The following ATXN1 variants were observed in gnomAD, a reference collection of about 807,000 sequenced individuals.
ATXN1 encodes the protein ataxin 1.
In ATXN1, 8 loss-of-function variants were observed where a neutral mutation model predicts 56.4. The observed-to-expected ratio is 0.14, with a 90% CI of 0.08 to 0.26. The LOEUF (loss-of-function observed/expected upper bound fraction) is 0.26, where lower values mean the gene tolerates loss of function less well. Ranked by LOEUF, ATXN1 falls within the 10% of genes least tolerant of loss-of-function variation. The pLI is 1.00. For synonymous variants in ATXN1, 514 were observed against 494.6 expected, an observed-to-expected ratio of 1.04 and a Z score of -0.52; for missense variants, 987 against 1,106.5, an observed-to-expected ratio of 0.89 and a Z score of 1.53.
intron 6 of ATXN1, among the ~76,000 whole-genome samples, chr6:16,355,178 G>A (rs2113466182): frequency 6.6e-6 from 1 of 152,304 alleles, no homozygotes; most frequent in Admixed American, 6.5e-5. Context: ...CCCTTGGACT[G>A]GCCTGGGCTT....
In ATXN1 at chr6:16,394,428, T is replaced by C. The variant is rs566066282; in HGVS notation, c.-160-65958A>G. Among the ~76,000 whole-genome samples, 194 of 152,352 alleles carry C rather than the reference T, an allele frequency of 1.3e-3. 1 individual carries two copies. The highest frequency in any genetic ancestry group is 4.3e-3 in the African/African-American group (179 of 41,584). ...TAATTTCATTTTATTCCATTGTTAA[T>C]TGACATCTGATAATTTCTTATATTT... On this transcript the variant is annotated intron_variant, in intron 6 of 7. Coordinates refer to ENST00000436367, the MANE Select transcript of ATXN1 (RefSeq NM_001128164.2).
intron 2 of ATXN1, among the ~76,000 whole-genome samples, chr6:16,703,248 G>GC (rs1759327117): frequency 6.6e-6 from 1 of 151,928 alleles, no homozygotes; most frequent in African/African-American, 2.4e-5. Context: ...ACCAAACACC[G>GC]CATGTTCTCA....
intron 3 of ATXN1, among the ~76,000 whole-genome samples, chr6:16,647,197 G>A (rs1218007792): frequency 1.3e-5 from 2 of 152,076 alleles, no homozygotes; most frequent in Non-Finnish European, 2.9e-5. Context: ...TAGAGATGGG[G>A]TTTCACCATA....
At chr6:16,418,938 A>G (rs934691443) in intron 6 of ATXN1, among the ~76,000 whole-genome samples, 4 of 152,012 alleles carry the variant, frequency 2.6e-5, no homozygotes, top group Admixed American at 2.6e-4. Flanking sequence ...TCCTATTTTC[A>G]GGCCTCGATA....
chr6:16,445,307 A>G (rs1025891362), intron 6 of ATXN1, among the ~76,000 whole-genome samples: 6 of 152,090 alleles, frequency 3.9e-5, no homozygotes, highest in African/African-American at 1.2e-4. Context: ...AAATAGTAAA[A>G]TATTTTATAG....
chr6:16,567,818 G>A (rs1581849930), intron 4 of ATXN1, among the ~76,000 whole-genome samples: 1 of 152,196 alleles, frequency 6.6e-6, no homozygotes. Context: ...CTGCAAATTG[G>A]TTCCACAGAG....
intron 6 of ATXN1, among the ~76,000 whole-genome samples, chr6:16,450,160 T>C (rs973886353): frequency 6.6e-6 from 1 of 152,230 alleles, no homozygotes; most frequent in African/African-American, 2.4e-5. Context: ...CTGTGGGTGA[T>C]CACTGCCATA....
At chr6:16,446,272 C>T (rs948066387) in intron 6 of ATXN1, among the ~76,000 whole-genome samples, 1 of 152,038 alleles carries the variant, frequency 6.6e-6, no homozygotes, top group Non-Finnish European at 1.5e-5. Context: ...CTCTGATGGC[C>T]AGTGATGATG....
In ATXN1 at chr6:16,327,556, C is replaced by G; in HGVS notation, c.755G>C (p.Ser252Thr). Residue 252 changes from serine to threonine, a missense_variant, in exon 7 of 8, where the codon AGT becomes ACT. Physicochemically the swap from Ser to Thr is moderately conservative, Grantham distance 58. Coordinates refer to ENST00000436367, the MANE Select transcript of ATXN1 (RefSeq NM_001128164.2). The part of the protein sequence containing the change: ...AQQNQYVHIS[S>T]SPQNTGRTAS... The stretch of plus-strand genomic sequence containing the variant: ...GGTGCGGCCGGTGTTCTGCGGAGAA[C>G]TGGAAATGTGGACGTACTGGTTCTG... 6.2e-7 allele frequency: 1 copy of G among 1,606,884 alleles called. No individual in the cohort carries two copies. Among genetic ancestry groups the G allele is most frequent in the Non-Finnish European group, 8.5e-7 (1 of 1,177,130 alleles).
intron 5 of ATXN1, among the ~76,000 whole-genome samples, chr6:16,493,685 A>G (rs1760714600): frequency 6.6e-6 from 1 of 152,180 alleles, no homozygotes; most frequent in Non-Finnish European, 1.5e-5. Context: ...TAACTGATTG[A>G]TAACATGGTA....
chr6:16,693,578 T>C (rs1161982260), intron 2 of ATXN1, among the ~76,000 whole-genome samples: 1 of 152,150 alleles, frequency 6.6e-6, no homozygotes, highest in East Asian at 1.9e-4. Context: ...CTGCTAATCA[T>C]AACAGAACAC....
intron 4 of ATXN1, among the ~76,000 whole-genome samples, chr6:16,550,155 C>CAAAAAAAA (rs70999336): frequency 3.3e-5 from 3 of 91,194 alleles, no homozygotes; most frequent in African/African-American, 1.3e-4. Flanking sequence ...AAATAAAATA[C>CAAAAAAAA]AAAAAAAAAA....
At position 16,326,278 on chromosome 6, in the gene ATXN1, C is replaced by T. The variant is rs1438044413; in HGVS notation, c.1917+116G>A. 4 of 1,502,348 alleles carry T rather than the reference C, an allele frequency of 2.7e-6. No individual in the cohort carries two copies. The highest frequency in any genetic ancestry group is 3.5e-6 in the Non-Finnish European group (4 of 1,130,784). 93.1% of individuals were successfully genotyped at this position (1,502,348 alleles called of 1,614,324 possible). A position where few individuals can be genotyped will look rare whatever the true frequency, so the allele number is the denominator to read the frequency against. On this transcript the variant is annotated intron_variant, in intron 7 of 7. Coordinates refer to ENST00000436367, the MANE Select transcript of ATXN1 (RefSeq NM_001128164.2). This position sits in a 1 kb window ranked among gnomAD's most constrained non-coding sequence, Gnocchi z 6.6. ...AGTTGGGAAAGGCCGAGTCTAAGGT[C>T]TAGGTGTACCCGAGAACCCTTAATC...
intron 1 of ATXN1, among the ~76,000 whole-genome samples, chr6:16,754,335 A>G (rs1341077613): frequency 6.6e-6 from 1 of 152,190 alleles, no homozygotes; most frequent in Non-Finnish European, 1.5e-5. Flanking sequence ...GCTGATTTTA[A>G]ACTTAGTTTG....
intron 3 of ATXN1, among the ~76,000 whole-genome samples, chr6:16,642,157 G>C (rs1763717297): frequency 6.6e-6 from 1 of 152,182 alleles, no homozygotes; most frequent in East Asian, 1.9e-4. Flanking sequence ...GGAGGCCGAG[G>C]CAGGGGAATC....
chr6:16,349,273 G>A (rs1375468094), intron 6 of ATXN1, among the ~76,000 whole-genome samples: 1 of 152,200 alleles, frequency 6.6e-6, no homozygotes, highest in Non-Finnish European at 1.5e-5. Flanking sequence ...GGGAGGCTGA[G>A]GCTGGTGGAT....
Position 16,328,812 on chromosome 6 carries a change from AGCTACTTGAGAG to A in ATXN1, c.-160-354_-160-343del, listed in dbSNP as rs906550561. Among the ~76,000 whole-genome samples, 26 of 152,294 alleles carry A rather than the reference AGCTACTTGAGAG, an allele frequency of 1.7e-4. No individual in the cohort carries two copies. The highest frequency in any genetic ancestry group is 1.7e-3 in the Admixed American group (26 of 15,298). ...TTAGCTGGCACACGGCTGTAGTCCC[AGCTACTTGAGAG>A]GCTGAGGCAGGAGAATTGCTTGAAC... On this transcript the variant is annotated intron_variant, in intron 6 of 7. Coordinates refer to ENST00000436367, the MANE Select transcript of ATXN1 (RefSeq NM_001128164.2). This position sits in a 1 kb window ranked among gnomAD's most constrained non-coding sequence, Gnocchi z 6.2.
At chr6:16,519,087 G>A (rs372146076) in intron 5 of ATXN1, among the ~76,000 whole-genome samples, 3 of 152,114 alleles carry the variant, frequency 2.0e-5, no homozygotes, top group Admixed American at 6.6e-5. Flanking sequence ...TAACGTTGTC[G>A]TGAACAAATA....
At chr6:16,596,582 T>G (rs1762819901) in intron 3 of ATXN1, among the ~76,000 whole-genome samples, 1 of 152,252 alleles carries the variant, frequency 6.6e-6, no homozygotes, top group Non-Finnish European at 1.5e-5. Context: ...TTGGGCATTT[T>G]ATCCAGTGAC....
Sources: allele counts gnomAD v4.1 joint callset (sites outside exome capture counted in the v4.1 genomes callset), GRCh38; gene constraint gnomAD v4.1.1; non-coding constraint Gnocchi (gnomAD v3.1); transcripts MANE v1.5; gene names NCBI Gene and HGNC (gene_info 2026-07-23, HGNC 2026-07-21).